Variants in CDYL2 observed in about 807,000 individuals in gnomAD.
CDYL2 encodes the protein chromodomain Y like 2.
A neutral mutation model predicts 49.4 loss-of-function variants in CDYL2; 23 were observed. That is an observed-to-expected ratio of 0.47 (90% CI 0.34 to 0.66). The LOEUF (loss-of-function observed/expected upper bound fraction) is 0.66. Among genes scored for constraint, CDYL2 ranks in the 30% least tolerant of loss-of-function variants. The pLI, the probability that CDYL2 is intolerant of heterozygous loss-of-function variation, is 0.01. For synonymous variants in CDYL2, 360 were observed against 268.8 expected (o/e 1.34, Z -3.32); for missense variants, 678 against 656.4 (o/e 1.03, Z -0.36).
chr16:80,801,335 T>C (rs535659701), intron 1 of CDYL2, among the ~76,000 whole-genome samples: 118 of 152,378 alleles, frequency 7.7e-4, no homozygotes, highest in African/African-American at 2.8e-3. Context: ...TTCACTATGA[T>C]TGAAGAGTGC....
At chr16:80,638,977 A>T (rs1448444969) in intron 2 of CDYL2, among the ~76,000 whole-genome samples, 1 of 152,160 alleles carries the variant, frequency 6.6e-6, no homozygotes, top group Non-Finnish European at 1.5e-5. Flanking sequence ...AAAATTTTTA[A>T]ATTGGACATT....
At chr16:80,795,769 G>A (rs79842603) in intron 1 of CDYL2, among the ~76,000 whole-genome samples, 1 of 152,180 alleles carries the variant, frequency 6.6e-6, no homozygotes, top group Non-Finnish European at 1.5e-5. Context: ...TGAGTTCTTA[G>A]AGTTACCAGT....
chr16:80,785,020 G>A (rs933920422), intron 1 of CDYL2, among the ~76,000 whole-genome samples: 2 of 152,168 alleles, frequency 1.3e-5, no homozygotes, highest in African/African-American at 4.8e-5. Flanking sequence ...AGAAAACGGG[G>A]AGTGGTGTTA....
rs68135845 is a variant in CDYL2, at chr16:80,672,318, TACACACAC to T, written c.616+12212_616+12219del. On this transcript the variant is annotated intron_variant, in intron 2 of 6. Transcript: ENST00000570137. ...ATACAAGTGTTTTCATACAAAATGT[TACACACAC>T]ACACACACACACACACACACACACA... Among the ~76,000 whole-genome samples, 387 of 126,940 alleles carry T rather than the reference TACACACAC, an allele frequency of 3.0e-3. 2 individuals are homozygous for T. Among genetic ancestry groups the T allele is most frequent in the African/African-American group, 7.6e-3 (267 of 35,258 alleles). The allele number at this position is 126,940 out of a possible 152,430, so 83.3% of individuals were successfully genotyped here.
chr16:80,647,539 T>C (rs1908404307), intron 2 of CDYL2, among the ~76,000 whole-genome samples: 1 of 152,108 alleles, frequency 6.6e-6, no homozygotes, highest in Non-Finnish European at 1.5e-5. Context: ...CACCCAGATA[T>C]ATAAAGCAAA....
At chr16:80,613,419 T>C (rs894079189) in intron 4 of CDYL2, among the ~76,000 whole-genome samples, 6 of 152,158 alleles carry the variant, frequency 3.9e-5, no homozygotes, top group South Asian at 4.2e-4. Flanking sequence ...CATGTTGGGA[T>C]TGATGACATT....
chr16:80,749,190 ATTC>A (rs539836326), intron 1 of CDYL2, among the ~76,000 whole-genome samples: 21 of 152,190 alleles, frequency 1.4e-4, no homozygotes, highest in Non-Finnish European at 2.6e-4. Flanking sequence ...TTCCTCTGGT[ATTC>A]TTATTTTAAT....
At chr16:80,640,759 T>A (rs924880317) in intron 2 of CDYL2, among the ~76,000 whole-genome samples, 1 of 151,906 alleles carries the variant, frequency 6.6e-6, no homozygotes, top group East Asian at 1.9e-4. Flanking sequence ...TTGAAATAAT[T>A]AAAAAGAATC....
chr16:80,750,696 G>C (rs1389979721), intron 1 of CDYL2, among the ~76,000 whole-genome samples: 1 of 152,182 alleles, frequency 6.6e-6, no homozygotes, highest in Non-Finnish European at 1.5e-5. Flanking sequence ...TGAAGGGAGA[G>C]AGAGTACTAT....
intron 1 of CDYL2, among the ~76,000 whole-genome samples, chr16:80,696,792 T>C (rs1277083164): frequency 2.0e-5 from 3 of 151,952 alleles, no homozygotes; most frequent in African/African-American, 7.2e-5. Context: ...ACCAAACTTT[T>C]AAAGAAGGAC....
rs556414701 is a variant in CDYL2, at chr16:80,738,088, A to G, written c.25-52959T>C. On this transcript the variant is annotated intron_variant, in intron 1 of 6. Coordinates refer to ENST00000570137, the MANE Select transcript of CDYL2 (RefSeq NM_152342.4). ...TGTGTCCATGTGTTCTCACTGTTCA[A>G]CTCCCACTATGAGTGAGAACATGCA... Among the ~76,000 whole-genome samples, 3 of 150,958 alleles carry G rather than the reference A, an allele frequency of 2.0e-5. No homozygotes were observed. In the South Asian group the frequency reaches 6.4e-4, roughly 32 times the overall value.
In CDYL2 at chr16:80,641,793, C is replaced by T. The variant is rs527524392; in HGVS notation, c.617-8557G>A. Among the ~76,000 whole-genome samples, 50 of 150,454 alleles carry T rather than the reference C, an allele frequency of 3.3e-4. 1 individual carries two copies. Among genetic ancestry groups the T allele is most frequent in the Non-Finnish European group, 4.7e-4 (32 of 67,692 alleles). ...GGATAGCATTAGGAGATATACCTAA[C>T]GCTAAATGACGAGTTAACGGGTGCA... On this transcript the variant is annotated intron_variant, in intron 2 of 6. Coordinates refer to ENST00000570137, the MANE Select transcript of CDYL2 (RefSeq NM_152342.4).
chr16:80,650,241 G>A (rs142059813), intron 2 of CDYL2, among the ~76,000 whole-genome samples: 4 of 152,072 alleles, frequency 2.6e-5, no homozygotes, highest in Non-Finnish European at 5.9e-5. Context: ...TTAATAACCA[G>A]CATATATAAG....
At chr16:80,679,008 A>G (rs201926640) in intron 2 of CDYL2, among the ~76,000 whole-genome samples, 4,806 of 148,544 alleles carry the variant, frequency 0.032, 102 homozygotes, top group East Asian at 0.12. Flanking sequence ...AAACTATCGC[A>G]AGAACAAAAA....
chr16:80,693,597 C>A (rs750357886), intron 1 of CDYL2, among the ~76,000 whole-genome samples: 1 of 152,088 alleles, frequency 6.6e-6, no homozygotes, highest in Non-Finnish European at 1.5e-5. Context: ...GAATACCACT[C>A]AGAAATTAAA....
intron 6 of CDYL2, 117 bp from the exon 7 acceptor site, chr16:80,604,663 C>A: frequency 9.6e-7 from 1 of 1,038,122 alleles, no homozygotes; most frequent in Admixed American, 1.9e-5. Flanking sequence ...AGAAGGCTGC[C>A]TCCTCCAGCC....
chr16:80,646,859 G>A (rs1464588897), intron 2 of CDYL2, among the ~76,000 whole-genome samples: 1 of 147,328 alleles, frequency 6.8e-6, no homozygotes. Flanking sequence ...CTGCCTGTAA[G>A]AAACACACTT....
intron 1 of CDYL2, among the ~76,000 whole-genome samples, chr16:80,731,099 T>C (rs1301578008): frequency 6.6e-6 from 1 of 152,176 alleles, no homozygotes; most frequent in African/African-American, 2.4e-5. Flanking sequence ...TATGTACAAA[T>C]TGTTGTACAT....
At chr16:80,606,535 G>T (rs1447423692) in intron 6 of CDYL2, among the ~76,000 whole-genome samples, 1 of 152,100 alleles carries the variant, frequency 6.6e-6, no homozygotes, top group African/African-American at 2.4e-5. Flanking sequence ...ACTCCCTGTG[G>T]ATTTCCTGTC....
Sources: allele counts gnomAD v4.1 joint callset (sites outside exome capture counted in the v4.1 genomes callset), GRCh38; gene constraint gnomAD v4.1.1; transcripts MANE v1.5; gene names NCBI Gene and HGNC (gene_info 2026-07-23, HGNC 2026-07-21).